Variants in SNX29 observed in about 807,000 individuals in gnomAD.
The protein encoded by SNX29 is sorting nexin 29, also known as sorting nexin-29.
A neutral mutation model predicts 102.1 loss-of-function variants in SNX29; 78 were observed. The observed-to-expected ratio is 0.76, with a 90% CI of 0.64 to 0.92. The LOEUF (loss-of-function observed/expected upper bound fraction) is 0.92, where lower values mean the gene tolerates loss of function less well. SNX29 is among the 40% of genes least tolerant of loss of function. The probability of loss-of-function intolerance (pLI) is 0.00; values close to 1 mark genes in which losing one functional copy is unlikely to be tolerated. For synonymous variants in SNX29, 580 were observed against 414.5 expected, an observed-to-expected ratio of 1.40 and a Z score of -4.85; for missense variants, 1,280 against 1,061.7, an observed-to-expected ratio of 1.21 and a Z score of -2.86.
At chr16:12,517,717 G>A (rs943990375) in intron 19 of SNX29, among the ~76,000 whole-genome samples, 2 of 152,150 alleles carry the variant, frequency 1.3e-5, no homozygotes, top group African/African-American at 4.8e-5. Flanking sequence ...GGGAGGTGGG[G>A]GAGTTAGCAA....
intron 16 of SNX29, among the ~76,000 whole-genome samples, chr16:12,358,788 C>G (rs1193219024): frequency 6.6e-6 from 1 of 152,190 alleles, no homozygotes; most frequent in African/African-American, 2.4e-5. Context: ...TCTTGATTAT[C>G]CAGTGATGTC....
At chr16:12,404,965 G>T in intron 18 of SNX29, among the ~76,000 whole-genome samples, 1 of 152,188 alleles carries the variant, frequency 6.6e-6, no homozygotes, top group East Asian at 1.9e-4. Context: ...GACACCTTCA[G>T]CTGGGCAACA....
intron 18 of SNX29, among the ~76,000 whole-genome samples, chr16:12,461,589 G>C (rs376468933): frequency 1.1e-4 from 17 of 152,110 alleles, no homozygotes; most frequent in African/African-American, 3.6e-4. Flanking sequence ...CAGCAATTCT[G>C]CTTCGGGTTG....
At position 12,029,811 on chromosome 16, in the gene SNX29, C is replaced by T. The variant is rs965992836; in HGVS notation, c.247+2367C>T. On this transcript the variant is annotated intron_variant, in intron 4 of 20. Transcript: ENST00000566228. Reference sequence around the variant, plus strand: ...TTCACCATGTTGGCCAGGCTGGTCTCGAACTCCTGACTTCAGGTAATCTGC... The same window carrying T: ...TTCACCATGTTGGCCAGGCTGGTCTTGAACTCCTGACTTCAGGTAATCTGC... 79 of 341,512 alleles carry T rather than the reference C, an allele frequency of 2.3e-4. 3 individuals carry two copies. The Admixed American group carries it at 3.1e-3, about 13-fold the overall frequency. 21.2% of individuals were successfully genotyped at this position (341,512 alleles called of 1,614,324 possible).
intron 18 of SNX29, among the ~76,000 whole-genome samples, chr16:12,458,750 A>G (rs56039632): frequency 0.078 from 11,877 of 151,510 alleles, 1,166 homozygotes; most frequent in African/African-American, 0.23. Context: ...GTCGCAATCC[A>G]CTCCCCTTCT....
chr16:12,554,556 A>T (rs548631950), intron 20 of SNX29, among the ~76,000 whole-genome samples: 1 of 152,304 alleles, frequency 6.6e-6, no homozygotes, highest in South Asian at 2.1e-4. Flanking sequence ...GAACTTGTTC[A>T]ACAATTTCTT....
chr16:12,570,519 C>T lies in SNX29; in HGVS notation c.*1890C>T, dbSNP rs565140343. 27 of 232,588 alleles carry T rather than the reference C, an allele frequency of 1.2e-4. No homozygotes were observed. Among genetic ancestry groups the T allele is most frequent in the Admixed American group, 2.3e-4 (4 of 17,774 alleles). The allele number at this position is 232,588 out of a possible 1,614,324, so 14.4% of individuals were successfully genotyped here. ...CCCTTAGGTTGGGTTTATGCCACAT[C>T]GGTCATTTTGAAGTAGGTGTTTGAT... On this transcript the variant is annotated 3_prime_UTR_variant, in exon 21 of 21. Coordinates refer to ENST00000566228, the MANE Select transcript of SNX29 (RefSeq NM_032167.5).
At chr16:12,429,180 C>G (rs1255974115) in intron 18 of SNX29, among the ~76,000 whole-genome samples, 1 of 152,036 alleles carries the variant, frequency 6.6e-6, no homozygotes, top group African/African-American at 2.4e-5. Flanking sequence ...CTAGTTAGTC[C>G]CACCACACAG....
At chr16:12,016,163 C>T (rs1397191720) in intron 3 of SNX29, among the ~76,000 whole-genome samples, 1 of 152,200 alleles carries the variant, frequency 6.6e-6, no homozygotes, top group Non-Finnish European at 1.5e-5. Flanking sequence ...CTGCCCCCGC[C>T]CGGCTAATAA....
At chr16:12,472,738 C>T (rs533872260) in intron 18 of SNX29, among the ~76,000 whole-genome samples, 3 of 152,104 alleles carry the variant, frequency 2.0e-5, no homozygotes, top group Admixed American at 1.3e-4. Flanking sequence ...TGTTCATTGA[C>T]GGACTGAGGT....
rs971430299 is a variant in SNX29 at position 12,568,733 on chromosome 16, G to T, written c.*104G>T. On this transcript the variant is annotated 3_prime_UTR_variant, in exon 21 of 21. Coordinates refer to ENST00000566228, the MANE Select transcript of SNX29 (RefSeq NM_032167.5). ...CTCAGCGTGACAACCACGTCCACCT[G>T]GTGATCCTGAGAGCACACGATTCCC... 1.4e-6 allele frequency: 2 copies of T among 1,480,770 alleles called. No individual in the cohort carries two copies. Among genetic ancestry groups the T allele is most frequent in the Non-Finnish European group, 1.8e-6 (2 of 1,110,712 alleles). The allele number at this position is 1,480,770 out of a possible 1,614,324, so 91.7% of individuals were successfully genotyped here. A position where few individuals can be genotyped will look rare whatever the true frequency, so the allele number is the denominator to read the frequency against.
chr16:12,107,612 G>A (rs913894027), intron 11 of SNX29, among the ~76,000 whole-genome samples: 3 of 152,012 alleles, frequency 2.0e-5, no homozygotes, highest in Admixed American at 6.6e-5. Context: ...TTCCGGCCTG[G>A]GCAACAGAGT....
At chr16:12,180,446 T>C (rs936855751) in intron 13 of SNX29, among the ~76,000 whole-genome samples, 1 of 152,124 alleles carries the variant, frequency 6.6e-6, no homozygotes, top group African/African-American at 2.4e-5. Context: ...CCTCATAATA[T>C]TGTGTATGGT....
At chr16:12,094,240 G>T (rs2052677931) in intron 11 of SNX29, among the ~76,000 whole-genome samples, 1 of 152,138 alleles carries the variant, frequency 6.6e-6, no homozygotes. Flanking sequence ...CTATCGAAGG[G>T]TGTTATATGC....
intron 13 of SNX29, among the ~76,000 whole-genome samples, chr16:12,130,869 G>C (rs2054435841): frequency 6.6e-6 from 1 of 152,054 alleles, no homozygotes; most frequent in Non-Finnish European, 1.5e-5. Context: ...TTCCTTGTCT[G>C]ACTGCATCAG....
intron 19 of SNX29, among the ~76,000 whole-genome samples, chr16:12,504,636 A>G (rs1274794837): frequency 1.3e-5 from 2 of 152,232 alleles, no homozygotes; most frequent in Non-Finnish European, 2.9e-5. Context: ...GTACAGTAAG[A>G]TATTTTGAGA....
chr16:12,246,898 C>G (rs899829723), intron 14 of SNX29, among the ~76,000 whole-genome samples: 11 of 152,118 alleles, frequency 7.2e-5, no homozygotes, highest in African/African-American at 2.7e-4. Flanking sequence ...AAGGTGTCCC[C>G]TCCCCTCGGC....
intron 13 of SNX29, 86 bp from the exon 14 acceptor site, chr16:12,199,515 A>C (rs1013213377): frequency 1.7e-6 from 2 of 1,156,870 alleles, no homozygotes; most frequent in Non-Finnish European, 2.5e-6. Flanking sequence ...TCTTTACACA[A>C]ATTCACCACC....
intron 20 of SNX29, among the ~76,000 whole-genome samples, chr16:12,539,593 G>C (rs189279003): frequency 3.9e-5 from 6 of 152,112 alleles, no homozygotes; most frequent in Non-Finnish European, 7.4e-5. Flanking sequence ...ATTTCTGTGC[G>C]GCAAATACCT....
Sources: gnomAD v4.1 joint callset for allele counts (sites outside exome capture counted in the v4.1 genomes callset) on GRCh38, gnomAD v4.1.1 for gene constraint, MANE v1.5 for transcripts, NCBI Gene and HGNC (gene_info 2026-07-23, HGNC 2026-07-21) for gene names.